Variants in BRD1 observed in about 807,000 individuals in gnomAD.
BRD1 encodes bromodomain-containing protein 1.
BRD1 carries 24 observed loss-of-function variants against 107.7 expected under a neutral mutation model. The observed-to-expected ratio is 0.22, with a 90% confidence interval of 0.16 to 0.31. BRD1 has a LOEUF of 0.31. BRD1 is among the 10% of genes least tolerant of loss of function. The pLI, the probability that BRD1 is intolerant of heterozygous loss-of-function variation, is 1.00. For missense variants in BRD1, 1,279 were observed against 1,638.6 expected (o/e 0.78, Z 3.79); for synonymous variants, 744 against 686.1 (o/e 1.08, Z -1.32).
At position 49,787,702 on chromosome 22, in the gene BRD1, C is replaced by T. The variant is rs1242029771; in HGVS notation, c.2545G>A (p.Gly849Arg). Residue 849 changes from glycine (G) to arginine (R), a missense_variant, in exon 8 of 13, where the codon GGA (glycine) becomes AGA (arginine). Around this residue, in one of 7 missense-constraint regions of BRD1, gnomAD observed 406 missense variants for 519.4 expected, o/e 0.78. Coordinates refer to ENST00000404760, the MANE Select transcript of BRD1 (RefSeq NM_001304808.3). ...SACTQSALVSGRPPEPTRASS... is the reference protein window; with the variant it reads ...SACTQSALVSRRPPEPTRASS... ...GCGCGGGTGGGCTCTGGAGGGCGTC[C>T]GCTTACCAGTGCGCTCTGAGTGCAA... 1.3e-5 allele frequency: 20 copies of T among 1,550,638 alleles called. No individual in the cohort carries two copies. The East Asian group carries it at 3.2e-4, about 25-fold the overall frequency.
chr22:49,820,564 C>T (rs1254144349), intron 2 of BRD1, among the ~76,000 whole-genome samples: 1 of 152,190 alleles, frequency 6.6e-6, no homozygotes. Flanking sequence ...CATGATCACG[C>T]CACTGCACTC....
intron 6 of BRD1, among the ~76,000 whole-genome samples, chr22:49,797,129 C>A (rs984556625): frequency 1.3e-5 from 2 of 152,308 alleles, no homozygotes; most frequent in East Asian, 1.9e-4. Context: ...AAGCAGGGTG[C>A]AGGGGACAGC....
chr22:49,822,838 C>A lies in BRD1; in HGVS notation c.1367+113G>T, dbSNP rs972593751. 12 of 1,266,312 alleles carry A rather than the reference C, an allele frequency of 9.5e-6. No individual in the cohort carries two copies. The Admixed American group carries it at 1.4e-4, about 15-fold the overall frequency. The allele number at this position is 1,266,312 out of a possible 1,614,324, so 78.4% of individuals were successfully genotyped here. A position where few individuals can be genotyped will look rare whatever the true frequency, so the allele number is the denominator to read the frequency against. On this transcript the variant is annotated intron_variant, in intron 2 of 12. Transcript: ENST00000404760. ...ACTTCAGGGGAATATTAGGAAGCTGCGCCAACTAGAAACGCAATGACCACA... is the reference window on the plus strand; with the variant it reads ...ACTTCAGGGGAATATTAGGAAGCTGAGCCAACTAGAAACGCAATGACCACA...
chr22:49,781,636 T>A lies in BRD1; in HGVS notation c.2858-3823A>T, dbSNP rs924085781. On this transcript the variant is annotated intron_variant, in intron 8 of 12. Transcript: ENST00000404760. ...CCGCCCCTGCCGCTGGCACCCAAGC[T>A]GCCACCTCGGCTTCTCCGGCTCATG... is the stretch of plus-strand genomic sequence containing the variant. 7.2e-5 allele frequency among the ~76,000 whole-genome samples: 11 copies of A among 152,204 alleles called. 1 individual carries two copies. The highest frequency in any genetic ancestry group is 2.7e-4 in the African/African-American group (11 of 41,458).
At chr22:49,787,299 A>AGCCCCCCC in intron 8 of BRD1, 91 bp downstream of exon 8, 2 of 544,640 alleles carry the variant, frequency 3.7e-6, no homozygotes, top group East Asian at 6.1e-5. Context: ...GAAGCTGGAC[A>AGCCCCCCC]CCCCCCCCCC....
At position 49,774,137 on chromosome 22, in the gene BRD1, A is replaced by G. The variant is rs2059035413; in HGVS notation, c.*96T>C. 3.5e-6 allele frequency: 5 copies of G among 1,413,904 alleles called. No homozygotes were observed. The highest frequency in any genetic ancestry group is 2.5e-5 in the East Asian group (1 of 40,556). The allele number at this position is 1,413,904 out of a possible 1,614,324, so 87.6% of individuals were successfully genotyped here. On this transcript the variant is annotated 3_prime_UTR_variant, in exon 13 of 13. Coordinates refer to ENST00000404760, the MANE Select transcript of BRD1 (RefSeq NM_001304808.3). ...CCCGGGGAAAAAGAATTAAAGAGCT[A>G]TAACTAAAAATCAGAATAAGTTAAG...
In BRD1 at chr22:49,823,692, G is replaced by C; in HGVS notation, c.626C>G (p.Ser209Cys). The change falls in exon 2 of 13, where the codon TCT becomes TGT. Residue 209 changes from serine to cysteine, a missense_variant. This residue lies in a region of BRD1 where 158 missense variants were observed against 310.2 expected (regional missense o/e 0.51). Coordinates refer to ENST00000404760, the MANE Select transcript of BRD1 (RefSeq NM_001304808.3). ...GCACACGGCGTCCTCGTCGATCAGA[G>C]ACTGCTGCTCGCCCTGCTTCTGGTT... is the stretch of plus-strand genomic sequence containing the variant. ...CENQKQGEQQ[S>C]LIDEDAVCCI... The C allele has an allele frequency of 1.2e-6, 2 of 1,613,800 alleles. No homozygotes were observed. The highest frequency in any genetic ancestry group is 1.7e-6 in the Non-Finnish European group (2 of 1,179,944).
intron 2 of BRD1, among the ~76,000 whole-genome samples, chr22:49,817,871 T>A (rs750221654): frequency 3.3e-5 from 5 of 152,090 alleles, no homozygotes; most frequent in African/African-American, 4.8e-5. Flanking sequence ...AATACAAAGG[T>A]GCGATCACAA....
chr22:49,794,986 A>G (rs995466028), intron 6 of BRD1, among the ~76,000 whole-genome samples: 2 of 152,168 alleles, frequency 1.3e-5, no homozygotes, highest in African/African-American at 2.4e-5. Flanking sequence ...ATAAAACCAG[A>G]GCAAGAAGGA....
intron 2 of BRD1, among the ~76,000 whole-genome samples, chr22:49,813,854 C>G (rs941501837): frequency 1.3e-5 from 2 of 151,676 alleles, no homozygotes; most frequent in Non-Finnish European, 2.9e-5. Flanking sequence ...TTTGTAAAGA[C>G]TCCTAGAGGA....
chr22:49,785,134 G>A (rs892751299), intron 8 of BRD1, among the ~76,000 whole-genome samples: 3 of 152,250 alleles, frequency 2.0e-5, no homozygotes, highest in East Asian at 1.9e-4. Context: ...GAGGGGACAC[G>A]TGCTCTTCTA....
chr22:49,799,806 G>A (rs1454747189), intron 3 of BRD1, among the ~76,000 whole-genome samples: 1 of 152,198 alleles, frequency 6.6e-6, no homozygotes, highest in Non-Finnish European at 1.5e-5. Flanking sequence ...CCCTGCAAAG[G>A]CCATGACACA....
rs111728779 is a variant in BRD1, at chr22:49,780,206, A to G, written c.2858-2393T>C. Among the ~76,000 whole-genome samples the G allele has an allele frequency of 1.1e-3, 168 of 152,110 alleles. 1 individual carries two copies. The highest frequency in any genetic ancestry group is 3.8e-3 in the African/African-American group (159 of 41,492). On this transcript the variant is annotated intron_variant, in intron 8 of 12. Coordinates refer to ENST00000404760, the MANE Select transcript of BRD1 (RefSeq NM_001304808.3). ...AACACAGCCAAGCCATGCACAGACCACTCAGCAGCCACGACGGCCCCGGCT... is the reference window on the plus strand; with the variant it reads ...AACACAGCCAAGCCATGCACAGACCGCTCAGCAGCCACGACGGCCCCGGCT...
At chr22:49,780,870 C>T (rs1005279815) in intron 8 of BRD1, among the ~76,000 whole-genome samples, 1 of 152,230 alleles carries the variant, frequency 6.6e-6, no homozygotes, top group South Asian at 2.1e-4. Flanking sequence ...ACGTGGGGAA[C>T]CCAGGGCCTA....
chr22:49,780,130 G>A lies in BRD1; in HGVS notation c.2858-2317C>T, dbSNP rs547171133. ...GCGGCCTTCACAAGACTGCCCAGAGGTGCCAGCCTGAGGGCCCTAGCACGA... is the reference window on the plus strand; with the variant it reads ...GCGGCCTTCACAAGACTGCCCAGAGATGCCAGCCTGAGGGCCCTAGCACGA... On this transcript the variant is annotated intron_variant, in intron 8 of 12. Coordinates refer to ENST00000404760, the MANE Select transcript of BRD1 (RefSeq NM_001304808.3). Among the ~76,000 whole-genome samples, 5 of 152,254 alleles carry A rather than the reference G, an allele frequency of 3.3e-5. No homozygotes were observed. The South Asian group carries it at 1.0e-3, about 32-fold the overall frequency.
chr22:49,801,682 C>T (rs1289001359), intron 3 of BRD1, among the ~76,000 whole-genome samples: 1 of 152,238 alleles, frequency 6.6e-6, no homozygotes, highest in Admixed American at 6.5e-5. Flanking sequence ...CTGCTCTGGC[C>T]GGGCTGTGGG....
chr22:49,789,632 G>A (rs1033782688), intron 7 of BRD1, among the ~76,000 whole-genome samples: 8 of 152,168 alleles, frequency 5.3e-5, no homozygotes, highest in Non-Finnish European at 5.9e-5. Context: ...AGCAGAGATG[G>A]AGCCTGAAGG....
At chr22:49,813,906 T>A (rs1020115560) in intron 2 of BRD1, among the ~76,000 whole-genome samples, 1 of 151,916 alleles carries the variant, frequency 6.6e-6, no homozygotes, top group African/African-American at 2.4e-5. Context: ...GGGGACGAGT[T>A]TCTTCAAGCA....
At chr22:49,810,882 G>C (rs1250274213) in intron 2 of BRD1, among the ~76,000 whole-genome samples, 1 of 152,150 alleles carries the variant, frequency 6.6e-6, no homozygotes, top group East Asian at 1.9e-4. Context: ...ACATGACCCA[G>C]CAACTCCACT....
Sources: allele counts gnomAD v4.1 joint callset (sites outside exome capture counted in the v4.1 genomes callset), GRCh38; gene constraint gnomAD v4.1.1; regional missense constraint gnomAD v4.1.1; transcripts MANE v1.5; gene names NCBI Gene and HGNC (gene_info 2026-07-23, HGNC 2026-07-21).